The following CLDN14 variants were observed in gnomAD, a reference collection of about 807,000 sequenced individuals.
CLDN14 encodes claudin 14, also known as claudin-14.
Under a neutral mutation model 2.1 loss-of-function variants are expected in CLDN14, and 2 were observed. The ratio of observed to expected loss-of-function variants is 0.96; its 90% CI spans 0.39 to 3.01. CLDN14 has a LOEUF of 3.01. Among genes scored for constraint, CLDN14 ranks in the 30% most tolerant of loss-of-function variants. The pLI is 0.09. For synonymous variants in CLDN14, 136 were observed against 154.4 expected (o/e 0.88, Z 0.88); for missense variants, 298 against 328.0 (o/e 0.91, Z 0.71).
At chr21:36,514,573 G>T (rs2146487467) in intron 1 of CLDN14, among the ~76,000 whole-genome samples, 2 of 152,002 alleles carry the variant, frequency 1.3e-5, no homozygotes, top group East Asian at 3.8e-4. Flanking sequence ...GTATGTTGGA[G>T]CTGTGCACCC....
intron 1 of CLDN14, among the ~76,000 whole-genome samples, chr21:36,465,690 C>T (rs909262041): frequency 6.6e-6 from 1 of 152,242 alleles, no homozygotes; most frequent in Non-Finnish European, 1.5e-5. Context: ...CAAGCCTGGC[C>T]TCCCAGGGGG....
intron 2 of CLDN14, among the ~76,000 whole-genome samples, chr21:36,493,058 T>C (rs777427969): frequency 6.6e-6 from 1 of 152,190 alleles, no homozygotes; most frequent in Non-Finnish European, 1.5e-5. Flanking sequence ...TTGAAGACCA[T>C]GAGCAGGACA....
In CLDN14 at chr21:36,479,745, G is replaced by A. The variant is rs1489487720; in HGVS notation, c.-332C>T. The A allele has an allele frequency of 6.6e-6, 1 of 152,278 alleles. No homozygotes were observed. Among genetic ancestry groups the A allele is most frequent in the Non-Finnish European group, 1.5e-5 (1 of 68,092 alleles). The allele number at this position is 152,278 out of a possible 1,614,324, so 9.4% of individuals were successfully genotyped here. ...CGTGCCACTTGGTTAGCTAGCATGA[G>A]AGGAGGTGGCTTGGCCAGAGCAGAC... On this transcript the variant is annotated 5_prime_UTR_variant, in exon 1 of 2. Transcript: ENST00000399135.
At chr21:36,520,269 G>C (rs1256072358) in intron 1 of CLDN14, among the ~76,000 whole-genome samples, 3 of 152,212 alleles carry the variant, frequency 2.0e-5, no homozygotes, top group Admixed American at 2.0e-4. Context: ...CACTCCTCCA[G>C]TGTGACCTCA....
At chr21:36,466,944 G>A (rs1434412670) in intron 1 of CLDN14, among the ~76,000 whole-genome samples, 1 of 152,182 alleles carries the variant, frequency 6.6e-6, no homozygotes, top group Non-Finnish European at 1.5e-5. Flanking sequence ...CCCCATGCAA[G>A]TTCGAAATCC....
At chr21:36,489,593 G>A (rs907409923) in intron 2 of CLDN14, among the ~76,000 whole-genome samples, 5 of 152,144 alleles carry the variant, frequency 3.3e-5, no homozygotes, top group Admixed American at 2.0e-4. Flanking sequence ...GTGGGGGGCC[G>A]GGGACGACGG....
At chr21:36,492,474 A>G (rs1234397187) in intron 2 of CLDN14, among the ~76,000 whole-genome samples, 7 of 143,632 alleles carry the variant, frequency 4.9e-5, no homozygotes, top group Non-Finnish European at 1.1e-4. Context: ...AAAAATGCAA[A>G]AATTAGCTGC....
chr21:36,533,798 C>A (rs908522845), intron 1 of CLDN14, among the ~76,000 whole-genome samples: 1 of 151,998 alleles, frequency 6.6e-6, no homozygotes, highest in African/African-American at 2.4e-5. Context: ...GATGAGAACA[C>A]ATGGACACAT....
At chr21:36,492,946 C>G (rs2086982992) in intron 2 of CLDN14, among the ~76,000 whole-genome samples, 1 of 152,164 alleles carries the variant, frequency 6.6e-6, no homozygotes, top group African/African-American at 2.4e-5. Context: ...CTGAGTCCCC[C>G]TCTCTGCCTG....
At chr21:36,545,783 T>C (rs2087522264) in intron 1 of CLDN14, among the ~76,000 whole-genome samples, 1 of 152,206 alleles carries the variant, frequency 6.6e-6, no homozygotes, top group Non-Finnish European at 1.5e-5. Flanking sequence ...GTAGCTTTTC[T>C]TCCCCTCCCA....
chr21:36,467,488 C>T (rs1157617915), intron 1 of CLDN14, among the ~76,000 whole-genome samples: 2 of 151,904 alleles, frequency 1.3e-5, no homozygotes, highest in Non-Finnish European at 2.9e-5. Flanking sequence ...GTGCTGGGGC[C>T]TCTGTCAGTC....
In CLDN14 at chr21:36,479,877, C is replaced by T. The variant is rs1047171616; in HGVS notation, c.-464G>A. On this transcript the variant is annotated 5_prime_UTR_variant, in exon 1 of 2. Coordinates refer to ENST00000399135, the MANE Select transcript of CLDN14 (RefSeq NM_001146079.2). ...AACACGCGCTCAGGATCAAGCCTCC[C>T]CTTCCCAGCCTGGCAGGGTTGCAGG... The T allele has an allele frequency of 1.3e-5, 2 of 152,368 alleles. No homozygotes were observed. The highest frequency in any genetic ancestry group is 4.8e-5 in the African/African-American group (2 of 41,446). The allele number at this position is 152,368 out of a possible 1,614,324, so 9.4% of individuals were successfully genotyped here.
intron 1 of CLDN14, among the ~76,000 whole-genome samples, chr21:36,512,209 G>A (rs941345565): frequency 6.6e-6 from 1 of 152,154 alleles, no homozygotes; most frequent in African/African-American, 2.4e-5. Flanking sequence ...AGGAACAGTG[G>A]GAGATTAACA....
At chr21:36,482,740 C>G (rs2086861177), upstream of CLDN14, among the ~76,000 whole-genome samples, 1 of 152,160 alleles carries the variant, frequency 6.6e-6, no homozygotes, top group Non-Finnish European at 1.5e-5. Context: ...TGTGGTAAAA[C>G]TTGACCTTGC....
rs548569616 is a variant in CLDN14 at position 36,467,390 on chromosome 21, A to C, written c.-81-5614T>G. 7.2e-5 allele frequency among the ~76,000 whole-genome samples: 11 copies of C among 152,142 alleles called. No individual in the cohort carries two copies. In the South Asian group the frequency reaches 2.3e-3, roughly 32 times the overall value. On this transcript the variant is annotated intron_variant, in intron 1 of 1. Transcript: ENST00000399135. ...GTGTTGTTTACCAGCCTGCGTCTTG[A>C]CTGCCTGGGGTCCCTCCCTGGGCAT...
At chr21:36,528,376 A>G (rs1406180469) in intron 1 of CLDN14, among the ~76,000 whole-genome samples, 1 of 152,206 alleles carries the variant, frequency 6.6e-6, no homozygotes, top group Non-Finnish European at 1.5e-5. Flanking sequence ...CACGTCCTAC[A>G]GCCAGAGCAG....
intron 1 of CLDN14, among the ~76,000 whole-genome samples, chr21:36,541,175 T>G (rs2087485455): frequency 6.6e-6 from 1 of 152,174 alleles, no homozygotes; most frequent in Non-Finnish European, 1.5e-5. Flanking sequence ...AAGTCAACAG[T>G]AAGAGTTCTT....
In CLDN14 at chr21:36,551,051, G is replaced by A. The variant is rs987361701; in HGVS notation, c.-220+25360C>T. On this transcript the variant is annotated intron_variant, in intron 1 of 2. Coordinates refer to the CLDN14 transcript ENST00000342108. This position sits in a 1 kb window ranked among gnomAD's most constrained non-coding sequence, Gnocchi z 4.8. ...TGCAGTGACACAGCTGTGAGCCAAG[G>A]CCAAGGAATGGTGTGGCCAGCCGGC... Among the ~76,000 whole-genome samples, 1 of 152,214 alleles carries A rather than the reference G, an allele frequency of 6.6e-6. No individual in the cohort carries two copies. Among genetic ancestry groups the A allele is most frequent in the Non-Finnish European group, 1.5e-5 (1 of 68,046 alleles).
At chr21:36,476,455 ATTTT>A (rs11457181) in intron 1 of CLDN14, among the ~76,000 whole-genome samples, 1 of 142,456 alleles carries the variant, frequency 7.0e-6, no homozygotes, top group Non-Finnish European at 1.5e-5. Flanking sequence ...ATGGATGACT[ATTTT>A]TTTTTTTTTT....
Sources: gnomAD v4.1 joint callset for allele counts (sites outside exome capture counted in the v4.1 genomes callset) on GRCh38, gnomAD v4.1.1 for gene constraint, Gnocchi (gnomAD v3.1) non-coding constraint, MANE v1.5 for transcripts, NCBI Gene and HGNC (gene_info 2026-07-23, HGNC 2026-07-21) for gene names.